ERI2: variants seen among roughly 807,000 people sequenced by gnomAD.
ERI2 encodes ERI1 exoribonuclease 2.
ERI2 carries 35 observed loss-of-function variants against 46.8 expected under a neutral mutation model. The ratio of observed to expected loss-of-function variants is 0.75; its 90% confidence interval spans 0.57 to 0.99. The LOEUF (loss-of-function observed/expected upper bound fraction) is 0.99. Among genes scored for constraint, ERI2 ranks in the 50% least tolerant of loss-of-function variants. The pLI, the probability that ERI2 is intolerant of heterozygous loss-of-function variation, is 0.00. For synonymous variants in ERI2, 224 were observed against 271.0 expected, an observed-to-expected ratio of 0.83 and a Z score of 1.70; for missense variants, 695 against 796.2, an observed-to-expected ratio of 0.87 and a Z score of 1.53.
downstream of ERI2, chr16:20,796,227 G>T (rs1332852040): frequency 7.2e-7 from 1 of 1,380,590 alleles, no homozygotes; most frequent in Admixed American, 2.9e-5. Context: ...GCTGGCTTAA[G>T]AGCACAGAGC....
chr16:20,802,766 G>T, intron 4 of ERI2, 30 bp downstream of exon 4: 1 of 1,574,712 alleles, frequency 6.4e-7, no homozygotes, highest in South Asian at 1.1e-5. Context: ...TTTTGAAACT[G>T]ACTTCTGAAT....
chr16:20,801,431 G>A (rs1403096216), intron 4 of ERI2, 72 bp from the exon 5 acceptor site: 7 of 1,429,686 alleles, frequency 4.9e-6, no homozygotes, highest in Non-Finnish European at 6.5e-6. Flanking sequence ...TTATAACTGT[G>A]GAGAAAGATT....
At chr16:20,791,701 C>T (rs1040742214), downstream of ERI2, among the ~76,000 whole-genome samples, 2 of 152,006 alleles carry the variant, frequency 1.3e-5, no homozygotes, top group Non-Finnish European at 1.5e-5. Flanking sequence ...CCAAGGTGGG[C>T]GGATCACTTG....
downstream of ERI2, among the ~76,000 whole-genome samples, chr16:20,793,488 T>A (rs2080649225): frequency 6.7e-6 from 1 of 148,266 alleles, no homozygotes; most frequent in African/African-American, 2.5e-5. Flanking sequence ...AAAATAAAAA[T>A]AAAAAAGTTT....
At chr16:20,785,076 A>G (rs1392063669) in intron 10 of ERI2, 2 of 1,613,602 alleles carry the variant, frequency 1.2e-6, no homozygotes, top group Non-Finnish European at 1.7e-6. Context: ...ACGGGCCTGG[A>G]TATCTACGAA....
chr16:20,800,441 G>T, intron 5 of ERI2, 39 bp from the exon 6 acceptor site: 1 of 1,297,644 alleles, frequency 7.7e-7, no homozygotes, highest in Non-Finnish European at 1.1e-6. Context: ...AGTCAATGAT[G>T]CCAGCATTTT....
At chr16:20,793,223 C>T (rs1039192529), downstream of ERI2, among the ~76,000 whole-genome samples, 1 of 152,166 alleles carries the variant, frequency 6.6e-6, no homozygotes, top group Non-Finnish European at 1.5e-5. Flanking sequence ...AATCCTAGCA[C>T]TTTGGGAGGC....
chr16:20,794,154 T>C (rs1226312744), downstream of ERI2, among the ~76,000 whole-genome samples: 1 of 152,198 alleles, frequency 6.6e-6, no homozygotes, highest in Admixed American at 6.5e-5. Context: ...CCAGGCCTAT[T>C]CTACCTGGGT....
chr16:20,798,016 G>A lies in ERI2; in HGVS notation c.1784C>T (p.Pro595Leu), dbSNP rs1372178456. The A allele has an allele frequency of 8.4e-6, 13 of 1,551,510 alleles. No individual in the cohort carries two copies. Among genetic ancestry groups the A allele is most frequent in the Non-Finnish European group, 1.0e-5 (12 of 1,146,656 alleles). The change falls in exon 9 of 9, where the codon CCA (proline) becomes CTA (leucine). Residue 595 changes from proline (P) to leucine (L), a missense_variant. By Grantham distance (98) the Pro-to-Leu change is moderately conservative. Coordinates refer to ENST00000357967, the MANE Select transcript of ERI2 (RefSeq NM_001142725.2). Reference sequence around the variant, plus strand: ...AGATCTCCGACCACACTTGCATAATGGAGGTGTCATTTTCCCACTCTTCCA... The same window carrying A: ...AGATCTCCGACCACACTTGCATAATAGAGGTGTCATTTTCCCACTCTTCCA... ...EPWKSGKMTP[P>L]LCKCGRRSKR...
At chr16:20,801,695 A>T (rs1455831396) in intron 4 of ERI2, among the ~76,000 whole-genome samples, 1 of 152,226 alleles carries the variant, frequency 6.6e-6, no homozygotes, top group Non-Finnish European at 1.5e-5. Flanking sequence ...TAATTTCCAT[A>T]AAATCAATTT....
rs770668895 is a variant in ERI2, at chr16:20,796,441, T to A, written c.*1283A>T. On this transcript the variant is annotated 3_prime_UTR_variant, in exon 9 of 9. Transcript: ENST00000357967. Reference sequence around the variant, plus strand: ...ATCAAGAACAACTAATAAAGGAGATTCAGGAGCATGTTAAAAAAACTACAG... The same window carrying A: ...ATCAAGAACAACTAATAAAGGAGATACAGGAGCATGTTAAAAAAACTACAG... 1.2e-6 allele frequency: 2 copies of A among 1,613,912 alleles called. No individual in the cohort carries two copies. Among genetic ancestry groups the A allele is most frequent in the South Asian group, 1.1e-5 (1 of 91,054 alleles).
Position 20,790,651 on chromosome 16 carries a change from T to C in ERI2, c.815+199A>G, listed in dbSNP as rs914652387. The C allele has an allele frequency of 3.1e-6, 5 of 1,614,062 alleles. No individual in the cohort carries two copies. The African/African-American group carries it at 6.7e-5, about 22-fold the overall frequency. On this transcript the variant is annotated intron_variant, in intron 9 of 10. Coordinates refer to the ERI2 transcript ENST00000300005. This position sits in a 1 kb window ranked among gnomAD's most constrained non-coding sequence, Gnocchi z 4.0. ...GAAGGAGATATTGGCATTCAAGTTC[T>C]ACCCAACCGACCATTTGGCCTTTTT...
chr16:20,803,792 G>T, intron 1 of ERI2, 122 bp from the exon 2 acceptor site: 2 of 1,239,010 alleles, frequency 1.6e-6, no homozygotes, highest in Non-Finnish European at 2.3e-6. Context: ...AGGGGAAATC[G>T]AACTGGACTT....
At chr16:20,785,132 T>C (rs747351317) in intron 10 of ERI2, 3 of 1,611,258 alleles carry the variant, frequency 1.9e-6, no homozygotes, top group Admixed American at 3.3e-5. Flanking sequence ...TGAAAAGACA[T>C]AGCTGGATTC....
chr16:20,788,162 A>G (rs562182298), intron 10 of ERI2, among the ~76,000 whole-genome samples: 22 of 152,110 alleles, frequency 1.4e-4, no homozygotes, highest in Non-Finnish European at 3.1e-4. Context: ...AAAAAATGGT[A>G]GGAGAGCCCA....
At chr16:20,800,482 A>G (rs2080784476) in intron 5 of ERI2, 80 bp from the exon 6 acceptor site, 11 of 771,588 alleles carry the variant, frequency 1.4e-5, no homozygotes, top group Non-Finnish European at 4.3e-6. Flanking sequence ...TACAAATAGA[A>G]TGCTAGAAGA....
At chr16:20,792,828 G>A (rs2080631974), downstream of ERI2, 1 of 518,142 alleles carries the variant, frequency 1.9e-6, no homozygotes, top group South Asian at 8.4e-5. Context: ...AATAAACTCT[G>A]AATAACACAG....
intron 10 of ERI2, chr16:20,780,881 T>C (rs998676429): frequency 2.5e-6 from 4 of 1,613,968 alleles, no homozygotes; most frequent in East Asian, 4.5e-5. Context: ...AAAGTGCAGC[T>C]TGAAGTGTCA....
At chr16:20,792,555 T>A (rs2080626780), downstream of ERI2, 1 of 985,420 alleles carries the variant, frequency 1.0e-6, no homozygotes, top group East Asian at 1.1e-4. Context: ...TGAAAATACG[T>A]ACTAGAAAGA....
Sources: gnomAD v4.1 joint callset for allele counts (sites outside exome capture counted in the v4.1 genomes callset) on GRCh38, gnomAD v4.1.1 for gene constraint, Gnocchi (gnomAD v3.1) non-coding constraint, MANE v1.5 for transcripts, NCBI Gene and HGNC (gene_info 2026-07-23, HGNC 2026-07-21) for gene names.